Variants in SYNE1 observed in about 807,000 individuals in gnomAD.
SYNE1 encodes spectrin repeat containing nuclear envelope protein 1, also known as nesprin-1.
A neutral mutation model predicts 1,111.0 loss-of-function variants in SYNE1; 616 were observed. The ratio of observed to expected loss-of-function variants is 0.55; its 90% CI spans 0.52 to 0.59. The LOEUF (loss-of-function observed/expected upper bound fraction) is 0.59, where lower values mean the gene tolerates loss of function less well. SYNE1 is among the 20% of genes least tolerant of loss of function. The pLI is 0.00. For missense variants in SYNE1, 10,006 were observed against 10,417.0 expected (o/e 0.96, Z 1.72); for synonymous variants, 3,855 against 3,825.8 (o/e 1.01, Z -0.28).
At chr6:152,125,128 T>A in intron 145 of SYNE1, 1 of 941,776 alleles carries the variant, frequency 1.1e-6, no homozygotes, top group Non-Finnish European at 1.5e-6. Context: ...TGCTTCAGAT[T>A]CTACAGTTAA....
At position 152,453,732 on chromosome 6, in the gene SYNE1, G is replaced by C. The variant is rs2098670473; in HGVS notation, c.2893-12C>G. 1.9e-6 allele frequency: 3 copies of C among 1,614,106 alleles called. No homozygotes were observed. The Admixed American group carries it at 5.0e-5, about 27-fold the overall frequency. ...TGACTGAAAAACTCCTGACATGGAA[G>C]GGGAAAGTGGGTAAGAGTGTTGGAC... On this transcript the variant is annotated splice_polypyrimidine_tract_variant and intron_variant, in intron 24 of 145. Coordinates refer to ENST00000367255, the MANE Select transcript of SYNE1 (RefSeq NM_182961.4).
intron 31 of SYNE1, 149 bp from the exon 32 acceptor site, chr6:152,441,419 C>T (rs1206647953): frequency 1.2e-6 from 1 of 839,620 alleles, no homozygotes; most frequent in Non-Finnish European, 1.8e-6. Flanking sequence ...CTAGTATCTT[C>T]TGTAAGAATT....
chr6:152,583,891 T>C (rs981008441), intron 3 of SYNE1, among the ~76,000 whole-genome samples: 9 of 152,148 alleles, frequency 5.9e-5, no homozygotes, highest in South Asian at 4.1e-4. Flanking sequence ...CTAACAAATA[T>C]GTTTATCCTA....
intron 3 of SYNE1, among the ~76,000 whole-genome samples, chr6:152,563,264 A>G (rs9654604): frequency 0.014 from 2,163 of 152,232 alleles, 50 homozygotes; most frequent in African/African-American, 0.049. Flanking sequence ...CAACTCTCCT[A>G]GCAGCATTCT....
At chr6:152,483,038 C>T in intron 14 of SYNE1, 47 bp downstream of exon 14, 1 of 1,612,118 alleles carries the variant, frequency 6.2e-7, no homozygotes, top group Non-Finnish European at 8.5e-7. Flanking sequence ...CTCTCCAGAC[C>T]ACAGTAGGGC....
Position 152,427,609 on chromosome 6 carries a change from GTTTA to G in SYNE1, c.5100+80_5100+83del, listed in dbSNP as rs753761533. On this transcript the variant is annotated intron_variant, in intron 38 of 145. Coordinates refer to ENST00000367255, the MANE Select transcript of SYNE1 (RefSeq NM_182961.4). ...AACCAAAGCAAGAAGGGAGGTACAAGTTTATTTATTTTATTATTTTAAATAATGT... is the reference window on the plus strand; with the variant it reads ...AACCAAAGCAAGAAGGGAGGTACAAGTTTATTTTATTATTTTAAATAATGT... 44 of 1,513,622 alleles carry G rather than the reference GTTTA, an allele frequency of 2.9e-5. No individual in the cohort carries two copies. The East Asian group carries it at 7.0e-4, about 24-fold the overall frequency. The allele number at this position is 1,513,622 out of a possible 1,614,324, so 93.8% of individuals were successfully genotyped here.
Position 152,458,734 on chromosome 6 carries a change from C to A in SYNE1, c.2568+23G>T, listed in dbSNP as rs747986343. ...GTTACACATGCTTTAGAATAATTGT[C>A]TCCTGAAAAGGATTGTTCTCACCTG... On this transcript the variant is annotated intron_variant, in intron 22 of 145. Coordinates refer to ENST00000367255, the MANE Select transcript of SYNE1 (RefSeq NM_182961.4). 32 of 1,612,754 alleles carry A rather than the reference C, an allele frequency of 2.0e-5. No individual in the cohort carries two copies. In the Admixed American group the frequency reaches 5.3e-4, roughly 27 times the overall value.
chr6:152,416,245 A>T, intron 41 of SYNE1, 142 bp downstream of exon 41: 1 of 1,157,848 alleles, frequency 8.6e-7, no homozygotes, highest in Non-Finnish European at 1.3e-6. Flanking sequence ...AACTCAGCTT[A>T]ATTTCTTTCT....
chr6:152,188,291 A>G (rs2070836395), intron 128 of SYNE1, among the ~76,000 whole-genome samples: 1 of 152,164 alleles, frequency 6.6e-6, no homozygotes, highest in Non-Finnish European at 1.5e-5. Context: ...CATAACCTCA[A>G]GGCATTTGGG....
At chr6:152,445,201 T>G (rs542514721) in intron 29 of SYNE1, among the ~76,000 whole-genome samples, 28 of 152,086 alleles carry the variant, frequency 1.8e-4, no homozygotes, top group African/African-American at 6.5e-4. Flanking sequence ...AACCTAATTA[T>G]AAAAGTGCCT....
rs889382120 is a variant in SYNE1 at position 152,485,827 on chromosome 6, TG to T, written c.1048-856del. ...ACATGTAAATTCACGTGAAGAACACTGGGGGGAGATAGTGAACTAGAATTTT... is the reference window on the plus strand; with the variant it reads ...ACATGTAAATTCACGTGAAGAACACTGGGGGAGATAGTGAACTAGAATTTT... On this transcript the variant is annotated intron_variant, in intron 12 of 145. Transcript: ENST00000367255. Among the ~76,000 whole-genome samples the T allele has an allele frequency of 7.5e-4, 114 of 152,196 alleles. 1 individual carries two copies. Among genetic ancestry groups the T allele is most frequent in the Admixed American group, 1.2e-3 (19 of 15,280 alleles).
intron 63 of SYNE1, among the ~76,000 whole-genome samples, chr6:152,364,147 C>T (rs1340293780): frequency 1.3e-5 from 2 of 152,140 alleles, no homozygotes; most frequent in African/African-American, 4.8e-5. Flanking sequence ...CCCTTTTGCT[C>T]AGCACTTGTC....
At chr6:152,521,295 T>C (rs2099138003) in intron 5 of SYNE1, among the ~76,000 whole-genome samples, 1 of 152,184 alleles carries the variant, frequency 6.6e-6, no homozygotes, top group African/African-American at 2.4e-5. Flanking sequence ...AGGTTATTGA[T>C]ATTTTGATAT....
intron 128 of SYNE1, among the ~76,000 whole-genome samples, chr6:152,186,563 A>AC (rs1256045431): frequency 9.0e-4 from 25 of 27,818 alleles, no homozygotes; most frequent in African/African-American, 8.3e-3. Context: ...TGTCAAAAAA[A>AC]AAAAAAAAAA....
Position 152,510,355 on chromosome 6 carries a change from C to A in SYNE1, c.419G>T (p.Ser140Ile). 1 of 1,613,850 alleles carries A rather than the reference C, an allele frequency of 6.2e-7. No individual in the cohort carries two copies. Among genetic ancestry groups the A allele is most frequent in the Non-Finnish European group, 8.5e-7 (1 of 1,179,938 alleles). Reference protein sequence around the residue: ...ILYFQIEELTSNLPQLQSLSS... With the variant: ...ILYFQIEELTINLPQLQSLSS... ...CAAAGACTGGAGCTGGGGCAGGTTG[C>A]TGGTCAACTCTTCAATCTGTTTGTG... The change falls in exon 8 of 146, where the codon AGC (serine) becomes ATC (isoleucine). Residue 140 changes from serine to isoleucine, a missense_variant. By Grantham distance (142) the Ser-to-Ile change is moderately radical (BLOSUM62 -2). Around this residue, in one of 7 missense-constraint regions of SYNE1, gnomAD observed 1,971 missense variants for 2,084.1 expected, o/e 0.95. Transcript: ENST00000367255.
At chr6:152,283,867 T>C (rs2094171495) in intron 96 of SYNE1, 111 bp downstream of exon 96, 2 of 943,112 alleles carry the variant, frequency 2.1e-6, no homozygotes, top group African/African-American at 1.6e-5. Context: ...AATCCCAGCT[T>C]AGGAGAGGGA....
chr6:152,353,146 A>G (rs2096771437), intron 69 of SYNE1, 117 bp downstream of exon 69: 1 of 1,359,088 alleles, frequency 7.4e-7, no homozygotes, highest in Non-Finnish European at 1.1e-6. Context: ...TGATGAGCTC[A>G]GGATCACCAA....
chr6:152,619,272 G>A (rs60183325), intron 3 of SYNE1, among the ~76,000 whole-genome samples: 1,569 of 152,106 alleles, frequency 0.01, 24 homozygotes, highest in African/African-American at 0.036. Context: ...ATGGGCTCTG[G>A]CGTGGTCTTC....
chr6:152,324,518 G>A (rs1057053085), intron 81 of SYNE1, among the ~76,000 whole-genome samples: 1 of 152,016 alleles, frequency 6.6e-6, no homozygotes, highest in East Asian at 1.9e-4. Context: ...AATGGGCCGG[G>A]CGCGGTGGCT....
Sources: allele counts gnomAD v4.1 joint callset (sites outside exome capture counted in the v4.1 genomes callset), GRCh38; gene constraint gnomAD v4.1.1; regional missense constraint gnomAD v4.1.1; transcripts MANE v1.5; gene names NCBI Gene and HGNC (gene_info 2026-07-23, HGNC 2026-07-21).